ZNF677: variants seen among roughly 807,000 people sequenced by gnomAD.
ZNF677 encodes the protein hypothetical protein MGC48625.
Under a neutral mutation model 8.1 loss-of-function variants are expected in ZNF677, and 5 were observed. The observed-to-expected ratio is 0.62, with a 90% confidence interval of 0.32 to 1.29. ZNF677 has a LOEUF of 1.29. Ranked by LOEUF, ZNF677 falls within the 50% of genes most tolerant of loss-of-function variation. The probability of loss-of-function intolerance (pLI) is 0.05; values close to 1 mark genes in which losing one functional copy is unlikely to be tolerated. For missense variants in ZNF677, 685 were observed against 685.9 expected (o/e 1.00, Z 0.01); for synonymous variants, 221 against 225.6 (o/e 0.98, Z 0.18).
intron 4 of ZNF677, chr19:53,239,834 A>G (rs559553034): frequency 1.3e-5 from 2 of 152,370 alleles, no homozygotes; most frequent in East Asian, 3.9e-4. Flanking sequence ...AGAGGTTTAC[A>G]TATCTATCCC....
Position 53,237,418 on chromosome 19 carries a change from C to A in ZNF677, c.1309G>T (p.Gly437Cys). ...GEKPHKCNVC[G>C]RAFIQSSSLV... ...CTTGAACTTTGGATAAAAGCCCTGC[C>A]ACACACATTACATTTGTGTGGTTTC... Residue 437 changes from glycine (G) to cysteine (C), a missense_variant, in exon 5 of 5, where the codon GGC becomes TGC. Transcript: ENST00000598513. The A allele has an allele frequency of 6.2e-7, 1 of 1,614,006 alleles. No homozygotes were observed. The highest frequency in any genetic ancestry group is 8.5e-7 in the Non-Finnish European group (1 of 1,180,002).
chr19:53,243,816 A>T lies in ZNF677; in HGVS notation c.97T>A (p.Tyr33Asn), dbSNP rs774500776. 6.2e-7 allele frequency: 1 copy of T among 1,614,214 alleles called. No individual in the cohort carries two copies. Among genetic ancestry groups the T allele is most frequent in the Non-Finnish European group, 8.5e-7 (1 of 1,180,034 alleles). Residue 33 changes from tyrosine (Y) to asparagine (N), a missense_variant, in exon 4 of 5, where the codon TAC becomes AAC. Coordinates refer to ENST00000598513, the MANE Select transcript of ZNF677 (RefSeq NM_182609.4). ...ECLDPAQRAL[Y>N]RDVMLENYRN... The stretch of plus-strand genomic sequence containing the variant: ...TAGTTCTCCAACATCACGTCCCTGT[A>T]CAAGGCCCTCTGGGCAGGGTCCAGG...
chr19:53,243,847 C>T lies in ZNF677; in HGVS notation c.66G>A (p.Trp22Ter), dbSNP rs377528637. 3.7e-6 allele frequency: 6 copies of T among 1,613,104 alleles called. No individual in the cohort carries two copies. Among genetic ancestry groups the T allele is most frequent in the African/African-American group, 1.3e-5 (1 of 74,880 alleles). ...CCCTCTGGGCAGGGTCCAGGCACTC[C>T]CACTCCTCTTGAGAGAATTCTATGG... ...DVAIEFSQEE[W>*]ECLDPAQRAL... Residue 22 changes from tryptophan (W) to a stop codon, truncating the protein, a stop_gained, in exon 4 of 5, where the codon TGG becomes TGA. Coordinates refer to ENST00000598513, the MANE Select transcript of ZNF677 (RefSeq NM_182609.4). LOFTEE classifies it high-confidence loss of function.
In ZNF677 at chr19:53,238,284, C is replaced by A; in HGVS notation, c.443G>T (p.Ser148Ile). ...KSSIHFSLKQ[S>I]VSIRDSAHQY... ...GTGTGCACTATCTCTTATAGAAACA[C>A]TCTGCTTTAAAGAGAAATGTATTGA... The change falls in exon 5 of 5, where the codon AGT (serine) becomes ATT (isoleucine). Residue 148 changes from serine to isoleucine, a missense_variant. Physicochemically the swap from Ser to Ile is moderately radical, Grantham distance 142. Transcript: ENST00000598513. The A allele has an allele frequency of 6.2e-7, 1 of 1,613,890 alleles. No homozygotes were observed. Among genetic ancestry groups the A allele is most frequent in the Non-Finnish European group, 8.5e-7 (1 of 1,179,924 alleles).
rs1363300715 is a variant in ZNF677, at chr19:53,237,478, G to T, written c.1249C>A (p.His417Asn). Residue 417 changes from histidine (H) to asparagine (N), a missense_variant, in exon 5 of 5, where the codon CAT (histidine) becomes AAT (asparagine). Transcript: ENST00000598513. Reference sequence around the variant, plus strand: ...TGTATATTCTGATGCCTAGTGAGATGTGAGCACTGCTTAAAAGCTTTGCCA... The same window carrying T: ...TGTATATTCTGATGCCTAGTGAGATTTGAGCACTGCTTAAAAGCTTTGCCA... ...ECGKAFKQCS[H>N]LTRHQNIHPG... The T allele has an allele frequency of 2.5e-6, 4 of 1,613,164 alleles. No individual in the cohort carries two copies. The highest frequency in any genetic ancestry group is 2.5e-6 in the Non-Finnish European group (3 of 1,179,776).
rs1384849418 is a variant in ZNF677 at position 53,238,260 on chromosome 19, T to C, written c.467A>G (p.His156Arg). 2 of 1,613,908 alleles carry C rather than the reference T, an allele frequency of 1.2e-6. No individual in the cohort carries two copies. Among genetic ancestry groups the C allele is most frequent in the African/African-American group, 2.7e-5 (2 of 74,938 alleles). Residue 156 changes from histidine to arginine, a missense_variant, in exon 5 of 5, where the codon CAC (histidine) becomes CGC (arginine). Physicochemically the swap from His to Arg is conservative, Grantham distance 29. Coordinates refer to ENST00000598513, the MANE Select transcript of ZNF677 (RefSeq NM_182609.4). ...KQSVSIRDSAHQYFIHDKPFI... is the reference protein window; with the variant it reads ...KQSVSIRDSARQYFIHDKPFI... ...TGGCTTGTCATGGATGAAATACTGGTGTGCACTATCTCTTATAGAAACACT... is the reference window on the plus strand; with the variant it reads ...TGGCTTGTCATGGATGAAATACTGGCGTGCACTATCTCTTATAGAAACACT...
At chr19:53,239,546 T>C (rs1568690004) in intron 4 of ZNF677, 1 of 151,740 alleles carries the variant, frequency 6.6e-6, no homozygotes, top group South Asian at 2.1e-4. Context: ...AAAATACATA[T>C]AATGAAAGCT....
chr19:53,249,524 T>C (rs1236970531), intron 3 of ZNF677: 3 of 152,228 alleles, frequency 2.0e-5, no homozygotes, highest in Non-Finnish European at 4.4e-5. Flanking sequence ...AAATATACAA[T>C]TTTGCAAAAC....
At chr19:53,251,904 C>T (rs1251706054) in intron 2 of ZNF677, among the ~76,000 whole-genome samples, 1 of 152,176 alleles carries the variant, frequency 6.6e-6, no homozygotes, top group African/African-American at 2.4e-5. Context: ...AAGTTCATGG[C>T]CAGTATCCAA....
intron 1 of ZNF677, among the ~76,000 whole-genome samples, chr19:53,253,359 C>T (rs575148863): frequency 6.6e-6 from 1 of 152,106 alleles, no homozygotes; most frequent in Non-Finnish European, 1.5e-5. Flanking sequence ...AAATCAAGTA[C>T]CAGACATAAA....
chr19:53,242,232 G>A lies in ZNF677; in HGVS notation c.169+1512C>T, dbSNP rs761945832. The A allele has an allele frequency of 2.0e-4, 78 of 398,080 alleles. 1 individual carries two copies. The highest frequency in any genetic ancestry group is 2.9e-4 in the Non-Finnish European group (66 of 225,984). 24.7% of individuals were successfully genotyped at this position (398,080 alleles called of 1,614,324 possible). Reference sequence around the variant, plus strand: ...TAGGCGTGAGGCACCACGCCCATCCGGAATGTGTATTTCAAAAGCAACTTT... The same window carrying A: ...TAGGCGTGAGGCACCACGCCCATCCAGAATGTGTATTTCAAAAGCAACTTT... On this transcript the variant is annotated intron_variant, in intron 4 of 4. Transcript: ENST00000598513.
chr19:53,253,151 T>C lies in ZNF677; in HGVS notation c.-121A>G, dbSNP rs567355868. The C allele has an allele frequency of 3.3e-5, 5 of 152,318 alleles. No homozygotes were observed. The highest frequency in any genetic ancestry group is 1.2e-4 in the African/African-American group (5 of 41,548). The allele number at this position is 152,318 out of a possible 1,614,324, so 9.4% of individuals were successfully genotyped here. On this transcript the variant is annotated 5_prime_UTR_variant, in exon 2 of 5. Transcript: ENST00000598513. Reference sequence around the variant, plus strand: ...TCGCATCCTCCCCGAGGTCATATTGTGTGGGCTGCAGTGGAAAAGGAAGAG... The same window carrying C: ...TCGCATCCTCCCCGAGGTCATATTGCGTGGGCTGCAGTGGAAAAGGAAGAG...
At chr19:53,247,284 C>T (rs774088359) in intron 3 of ZNF677, among the ~76,000 whole-genome samples, 7 of 151,828 alleles carry the variant, frequency 4.6e-5, no homozygotes, top group Non-Finnish European at 8.8e-5. Flanking sequence ...TAGTTTACAG[C>T]AGCAGTGTCC....
chr19:53,237,000 G>A lies in ZNF677; in HGVS notation c.1727C>T (p.Thr576Ile), dbSNP rs137891096. ...GGTACAGCTTGAATACTTAATTTTT[G>A]TCTCATTATATTTGATATGTTTTTC... is the stretch of plus-strand genomic sequence containing the variant. ...NREKHIKYNE[T>I]KIKYSSCT The change falls in exon 5 of 5, where the codon ACA (threonine) becomes ATA (isoleucine). Residue 576 changes from threonine (T) to isoleucine (I), a missense_variant. Physicochemically the swap from Thr to Ile is moderately conservative, Grantham distance 89 (BLOSUM62 -1). Transcript: ENST00000598513. The A allele has an allele frequency of 6.0e-5, 94 of 1,571,480 alleles. No individual in the cohort carries two copies. The African/African-American group carries it at 9.9e-4, about 16-fold the overall frequency.
In ZNF677 at chr19:53,238,398, C is replaced by T; in HGVS notation, c.329G>A (p.Trp110Ter). The change falls in exon 5 of 5, where the codon TGG becomes TAG. Residue 110 changes from tryptophan (W) to a stop codon, truncating the protein, a stop_gained. Transcript: ENST00000598513. LOFTEE classifies it low-confidence loss of function (END_TRUNC). The part of the protein sequence containing the change: ...WENMPKFDSL[W>*]DYDVKNYKGM... The stretch of plus-strand genomic sequence containing the variant: ...TTTGTAATTTTTTACATCATAGTCC[C>T]ACAGGCTGTCAAACTTAGGCATATT... 2 of 1,613,874 alleles carry T rather than the reference C, an allele frequency of 1.2e-6. No homozygotes were observed. Among genetic ancestry groups the T allele is most frequent in the South Asian group, 1.1e-5 (1 of 91,050 alleles).
chr19:53,242,935 G>A (rs1053120452), intron 4 of ZNF677: 4 of 152,474 alleles, frequency 2.6e-5, no homozygotes, highest in African/African-American at 9.6e-5. Flanking sequence ...GTATGAGTTG[G>A]GGCATCACGG....
chr19:53,254,752 G>A (rs928183577), intron 1 of ZNF677, 82 bp downstream of exon 1: 2 of 152,634 alleles, frequency 1.3e-5, no homozygotes, highest in South Asian at 2.1e-4. Flanking sequence ...TAACCTACAG[G>A]GCGACCCCAA....
intron 3 of ZNF677, among the ~76,000 whole-genome samples, chr19:53,251,284 C>A (rs1416853450): frequency 6.6e-6 from 1 of 152,178 alleles, no homozygotes; most frequent in Non-Finnish European, 1.5e-5. Context: ...GGAGCCTGCC[C>A]CCCATACCCA....
chr19:53,242,446 AGAATGAGATATAT>A (rs2091067930), intron 4 of ZNF677: 1 of 398,660 alleles, frequency 2.5e-6, no homozygotes, highest in Non-Finnish European at 4.4e-6. Flanking sequence ...AGAACCTAAA[AGAATGAGATATAT>A]TCCCATTTTG....
Sources: allele counts gnomAD v4.1 joint callset (sites outside exome capture counted in the v4.1 genomes callset), GRCh38; gene constraint gnomAD v4.1.1; transcripts MANE v1.5; gene names NCBI Gene and HGNC (gene_info 2026-07-23, HGNC 2026-07-21).